ALG1: variants seen among roughly 807,000 people sequenced by gnomAD.
ALG1 encodes chitobiosyldiphosphodolichol beta-mannosyltransferase.
Under a neutral mutation model 55.1 loss-of-function variants are expected in ALG1, and 58 were observed. The ratio of observed to expected loss-of-function variants is 1.05; its 90% confidence interval spans 0.85 to 1.31. The LOEUF is 1.31. Among genes scored for constraint, ALG1 ranks in the 50% most tolerant of loss-of-function variants. ALG1 has a pLI of 0.00. For synonymous variants in ALG1, 309 were observed against 247.0 expected (o/e 1.25, Z -2.35); for missense variants, 761 against 598.6 (o/e 1.27, Z -2.83).
Position 5,085,643 on chromosome 16 carries a change from G to A in ALG1, c.*762G>A, listed in dbSNP as rs552184574. On this transcript the variant is annotated 3_prime_UTR_variant, in exon 13 of 13. Transcript: ENST00000262374. ...GTCGTGTGTGAGTCCTACAGGGTGA[G>A]ATTCAGCATTGCCATCTCCAAGTGC... 5.0e-6 allele frequency: 8 copies of A among 1,608,786 alleles called. No individual in the cohort carries two copies. The highest frequency in any genetic ancestry group is 6.8e-6 in the Non-Finnish European group (8 of 1,176,928).
At chr16:5,076,493 C>G (rs1267363691) in intron 4 of ALG1, among the ~76,000 whole-genome samples, 1 of 152,258 alleles carries the variant, frequency 6.6e-6, no homozygotes, top group African/African-American at 2.4e-5. Context: ...GATTATGCCT[C>G]TTGCCACACA....
chr16:5,073,323 G>C (rs1956852535), intron 3 of ALG1, 67 bp downstream of exon 3: 29 of 1,377,366 alleles, frequency 2.1e-5, no homozygotes, highest in Non-Finnish European at 3.0e-5. Context: ...GCACAAATTG[G>C]TACTATATTG....
rs151297040 is a variant in ALG1 at position 5,085,699 on chromosome 16, C to T, written c.*818C>T. ...GTAGGGAAACAGTTTCTGCTCATGA[C>T]GAGGTTCCACTTCCCATCTGATCCC... On this transcript the variant is annotated 3_prime_UTR_variant, in exon 13 of 13. Coordinates refer to ENST00000262374, the MANE Select transcript of ALG1 (RefSeq NM_019109.5). 87 of 1,611,816 alleles carry T rather than the reference C, an allele frequency of 5.4e-5. No individual in the cohort carries two copies. Among genetic ancestry groups the T allele is most frequent in the East Asian group, 1.8e-4 (8 of 44,878 alleles).
At position 5,080,073 on chromosome 16, in the gene ALG1, C is replaced by CT. The variant is rs34927441; in HGVS notation, c.961+282dup. Reference sequence around the variant, plus strand: ...TTTGTTGTTGTTACGTCATTGGTGTCTTTTTTTTTTTTTTTTGAGACAGAG... The same window carrying CT: ...TTTGTTGTTGTTACGTCATTGGTGTCTTTTTTTTTTTTTTTTTGAGACAGAG... On this transcript the variant is annotated intron_variant, in intron 9 of 12. Coordinates refer to ENST00000262374, the MANE Select transcript of ALG1 (RefSeq NM_019109.5). Among the ~76,000 whole-genome samples the CT allele has an allele frequency of 0.32, 43,249 of 134,502 alleles. 7,646 individuals carry two copies. The highest frequency in any genetic ancestry group is 0.4 in the Middle Eastern group (97 of 240). The allele number at this position is 134,502 out of a possible 152,430, so 88.2% of individuals were successfully genotyped here.
rs372527188 is a variant in ALG1 at position 5,085,783 on chromosome 16, A to G, written c.*902A>G. The G allele has an allele frequency of 2.9e-6, 4 of 1,395,268 alleles. No homozygotes were observed. The highest frequency in any genetic ancestry group is 2.8e-5 in the African/African-American group (2 of 70,352). The allele number at this position is 1,395,268 out of a possible 1,614,324, so 86.4% of individuals were successfully genotyped here. On this transcript the variant is annotated 3_prime_UTR_variant, in exon 13 of 13. Transcript: ENST00000262374. ...GGATGGCGGTGTTTGGGGACAGGAC[A>G]TGAGGGTATTGTGTGGGGCTGCTAG... is the stretch of plus-strand genomic sequence containing the variant.
chr16:5,081,571 A>G (rs780115285), intron 10 of ALG1, among the ~76,000 whole-genome samples: 44 of 151,918 alleles, frequency 2.9e-4, no homozygotes, highest in Non-Finnish European at 5.6e-4. Context: ...AGGACTCTCC[A>G]CCTAGTCTTT....
Position 5,085,777 on chromosome 16 carries a change from C to T in ALG1, c.*896C>T, listed in dbSNP as rs747976218. ...GTTTGAGGATGGCGGTGTTTGGGGA[C>T]AGGACATGAGGGTATTGTGTGGGGC... On this transcript the variant is annotated 3_prime_UTR_variant, in exon 13 of 13. Coordinates refer to ENST00000262374, the MANE Select transcript of ALG1 (RefSeq NM_019109.5). 2 of 1,447,612 alleles carry T rather than the reference C, an allele frequency of 1.4e-6. No individual in the cohort carries two copies. The highest frequency in any genetic ancestry group is 2.3e-5 in the South Asian group (2 of 87,754). 89.7% of individuals were successfully genotyped at this position (1,447,612 alleles called of 1,614,324 possible). A position where few individuals can be genotyped will look rare whatever the true frequency, so the allele number is the denominator to read the frequency against.
rs760553299 is a variant in ALG1 at position 5,072,094 on chromosome 16, T to C, written c.208+37T>C. 1.9e-6 allele frequency: 3 copies of C among 1,552,222 alleles called. No individual in the cohort carries two copies. The African/African-American group carries it at 4.1e-5, about 21-fold the overall frequency. On this transcript the variant is annotated intron_variant, in intron 1 of 12. Coordinates refer to ENST00000262374, the MANE Select transcript of ALG1 (RefSeq NM_019109.5). Reference sequence around the variant, plus strand: ...AGGGTCTGGGAGGGACGATGCTCTCTCAGCCGTTGATCCTCGGTTCTAACC... The same window carrying C: ...AGGGTCTGGGAGGGACGATGCTCTCCCAGCCGTTGATCCTCGGTTCTAACC...
intron 9 of ALG1, among the ~76,000 whole-genome samples, chr16:5,080,546 T>A (rs2142720745): frequency 6.6e-6 from 1 of 152,322 alleles, no homozygotes; most frequent in South Asian, 2.1e-4. Context: ...CTCTGGCCTC[T>A]AGGCTCCCAG....
chr16:5,084,537 G>C, intron 12 of ALG1: 2 of 770,092 alleles, frequency 2.6e-6, no homozygotes, highest in East Asian at 2.7e-5. Flanking sequence ...CCAAGTGTGG[G>C]AAAGTGGGAC....
Position 5,075,520 on chromosome 16 carries a change from G to T in ALG1, c.523G>T (p.Val175Phe), listed in dbSNP as rs762783729. The T allele has an allele frequency of 1.2e-6, 2 of 1,614,036 alleles. No individual in the cohort carries two copies. The highest frequency in any genetic ancestry group is 2.2e-5 in the South Asian group (2 of 91,070). Residue 175 changes from valine (V) to phenylalanine (F), a missense_variant, in exon 4 of 13, where the codon GTT becomes TTT. Physicochemically the swap from Val to Phe is conservative, Grantham distance 50 (BLOSUM62 -1). Transcript: ENST00000262374. Reference sequence around the variant, plus strand: ...GGTGCATGGCCCCAACCATCCCCTCGTTCTGCTGGCCAAGTGGTGAGAGTC... The same window carrying T: ...GGTGCATGGCCCCAACCATCCCCTCTTTCTGCTGGCCAAGTGGTGAGAGTC... Reference protein sequence around the residue: ...GLVHGPNHPLVLLAKWYEKFF... With the variant: ...GLVHGPNHPLFLLAKWYEKFF...
intron 6 of ALG1, 195 bp from the exon 7 acceptor site, chr16:5,078,562 G>C: frequency 1.1e-6 from 1 of 911,148 alleles, no homozygotes; most frequent in Non-Finnish European, 1.7e-6. Context: ...GTTTGCTGTT[G>C]TAACCTTAGC....
intron 5 of ALG1, 117 bp from the exon 6 acceptor site, chr16:5,077,790 G>A (rs1246726607): frequency 4.2e-6 from 5 of 1,179,210 alleles, no homozygotes; most frequent in Non-Finnish European, 6.2e-6. Context: ...GCTTCTTCTT[G>A]TCATCATCTG....
chr16:5,083,921 C>T (rs1957063811), intron 12 of ALG1, among the ~76,000 whole-genome samples, 164 bp downstream of exon 12: 1 of 152,118 alleles, frequency 6.6e-6, no homozygotes, highest in Non-Finnish European at 1.5e-5. Context: ...ACTCTGCTGT[C>T]CCGTTTCGGT....
In ALG1 at chr16:5,085,910, G is replaced by T. The variant is rs1957147244; in HGVS notation, c.*1029G>T. On this transcript the variant is annotated 3_prime_UTR_variant, in exon 13 of 13. Transcript: ENST00000262374. Reference sequence around the variant, plus strand: ...AGAATTGGCCTCCAGGATGGGACCAGAAAGCTGGTTTTGCATAGAAATGGC... The same window carrying T: ...AGAATTGGCCTCCAGGATGGGACCATAAAGCTGGTTTTGCATAGAAATGGC... Among the ~76,000 whole-genome samples, 1 of 152,222 alleles carries T rather than the reference G, an allele frequency of 6.6e-6. No homozygotes were observed. The highest frequency in any genetic ancestry group is 1.5e-5 in the Non-Finnish European group (1 of 68,042).
At chr16:5,079,510 C>T (rs1347076954) in intron 8 of ALG1, among the ~76,000 whole-genome samples, 5 of 152,080 alleles carry the variant, frequency 3.3e-5, no homozygotes, top group Non-Finnish European at 7.4e-5. Flanking sequence ...GCCAACAGGG[C>T]GAAACCTGTC....
chr16:5,078,985 C>G, intron 7 of ALG1, 79 bp from the exon 8 acceptor site: 4 of 1,596,092 alleles, frequency 2.5e-6, no homozygotes, highest in Non-Finnish European at 3.4e-6. Context: ...GCCACGGTCT[C>G]AATGAGAACG....
intron 1 of ALG1, 77 bp downstream of exon 1, chr16:5,072,134 A>C: frequency 6.5e-7 from 1 of 1,547,972 alleles, no homozygotes; most frequent in Non-Finnish European, 8.7e-7. Context: ...CGGGGAGTCG[A>C]GGCGGAAGTG....
chr16:5,085,736 G>T lies in ALG1; in HGVS notation c.*855G>T. 1 of 1,607,444 alleles carries T rather than the reference G, an allele frequency of 6.2e-7. No individual in the cohort carries two copies. The highest frequency in any genetic ancestry group is 1.3e-5 in the African/African-American group (1 of 74,846). ...TCCCATCTGATCCCGGCCCGGCCTG[G>T]AAACAGAGCACATGTGTTTGAGGAT... On this transcript the variant is annotated 3_prime_UTR_variant, in exon 13 of 13. Coordinates refer to ENST00000262374, the MANE Select transcript of ALG1 (RefSeq NM_019109.5).
Sources: gnomAD v4.1 joint callset for allele counts (sites outside exome capture counted in the v4.1 genomes callset) on GRCh38, gnomAD v4.1.1 for gene constraint, MANE v1.5 for transcripts, NCBI Gene and HGNC (gene_info 2026-07-23, HGNC 2026-07-21) for gene names.